MCPH1: variants seen among roughly 807,000 people sequenced by gnomAD.
MCPH1 encodes the protein microcephalin.
MCPH1 carries 104 observed loss-of-function variants against 84.5 expected under a neutral mutation model. The ratio of observed to expected loss-of-function variants is 1.23; its 90% confidence interval spans 1.05 to 1.45. The LOEUF (loss-of-function observed/expected upper bound fraction) is 1.45, where lower values mean the gene tolerates loss of function less well. Ranked by LOEUF, MCPH1 falls within the 40% of genes most tolerant of loss-of-function variation. MCPH1 has a pLI of 0.00. For missense variants in MCPH1, 1,498 were observed against 1,005.7 expected (o/e 1.49, Z -6.62); for synonymous variants, 514 against 366.8 (o/e 1.40, Z -4.58).
chr8:6,432,419 A>G (rs1219465540), intron 4 of MCPH1, among the ~76,000 whole-genome samples: 1 of 152,150 alleles, frequency 6.6e-6, no homozygotes, highest in East Asian at 1.9e-4. Flanking sequence ...GAATCCATAG[A>G]TCTGGAACTT....
Position 6,500,001 on chromosome 8 carries a change from T to G in MCPH1, c.2214+72T>G, listed in dbSNP as rs1811839279. ...CAAGAAATTATTATAAACATAAGGGTGGACTTAAGTTTTTATCCAGTCAAG... is the reference window on the plus strand; with the variant it reads ...CAAGAAATTATTATAAACATAAGGGGGGACTTAAGTTTTTATCCAGTCAAG... On this transcript the variant is annotated intron_variant, in intron 12 of 13. Coordinates refer to ENST00000344683, the MANE Select transcript of MCPH1 (RefSeq NM_024596.5). 6.0e-6 allele frequency: 8 copies of G among 1,327,970 alleles called. No homozygotes were observed. In the South Asian group the frequency reaches 9.4e-5, roughly 16 times the overall value. 82.3% of individuals were successfully genotyped at this position (1,327,970 alleles called of 1,614,324 possible). A position where few individuals can be genotyped will look rare whatever the true frequency, so the allele number is the denominator to read the frequency against.
chr8:6,441,506 G>C (rs139096153), intron 6 of MCPH1, among the ~76,000 whole-genome samples: 2 of 152,064 alleles, frequency 1.3e-5, no homozygotes, highest in African/African-American at 4.8e-5. Context: ...TGTATGAACC[G>C]CCTTTGAAGA....
At chr8:6,470,370 G>C (rs1159750406) in intron 9 of MCPH1, among the ~76,000 whole-genome samples, 1 of 151,978 alleles carries the variant, frequency 6.6e-6, no homozygotes, top group Admixed American at 6.6e-5. Flanking sequence ...TGCAACTTCC[G>C]TCTCCCGGGT....
chr8:6,585,423 T>C (rs930460178), intron 12 of MCPH1, among the ~76,000 whole-genome samples: 3 of 152,220 alleles, frequency 2.0e-5, no homozygotes, highest in Admixed American at 2.0e-4. Context: ...CACAGCTGTC[T>C]GGGAGCCCCT....
At chr8:6,568,723 T>G in intron 12 of MCPH1, among the ~76,000 whole-genome samples, 1 of 152,212 alleles carries the variant, frequency 6.6e-6, no homozygotes, top group East Asian at 1.9e-4. Context: ...GACATCGTTT[T>G]CCATCAGGCC....
intron 8 of MCPH1, chr8:6,447,005 CAGGGGTGT>C: frequency 1.9e-5 from 4 of 205,960 alleles, no homozygotes; most frequent in Non-Finnish European, 2.4e-5. Flanking sequence ...GGCCATCAGG[CAGGGGTGT>C]CCAGGCAGGG....
rs143306840 is a variant in MCPH1, at chr8:6,483,857, C to CAAAGA, written c.2136+2996_2136+3000dup. On this transcript the variant is annotated intron_variant, in intron 11 of 13. Transcript: ENST00000344683. ...CCTGGGTGACAGAGAGACACCCTGT[C>CAAAGA]AAAGAAAAGAAAAGAAAAGGAGAGG... Among the ~76,000 whole-genome samples, 43 of 151,236 alleles carry CAAAGA rather than the reference C, an allele frequency of 2.8e-4. 1 individual carries two copies. The South Asian group carries it at 6.7e-3, about 24-fold the overall frequency.
chr8:6,512,311 C>T (rs889434064), intron 12 of MCPH1, among the ~76,000 whole-genome samples: 21 of 152,170 alleles, frequency 1.4e-4, no homozygotes, highest in Non-Finnish European at 2.6e-4. Context: ...ACAATCCTCC[C>T]CTGGGCAGCC....
intron 12 of MCPH1, among the ~76,000 whole-genome samples, chr8:6,551,558 A>AT (rs1229848830): frequency 2.0e-5 from 3 of 152,036 alleles, no homozygotes; most frequent in Non-Finnish European, 2.9e-5. Flanking sequence ...ATTAGTCTTA[A>AT]TTTTTTTTAA....
At chr8:6,632,614 C>G (rs1437693182) in intron 13 of MCPH1, among the ~76,000 whole-genome samples, 1 of 152,126 alleles carries the variant, frequency 6.6e-6, no homozygotes, top group African/African-American at 2.4e-5. Context: ...TCGAGACCAT[C>G]CTGGCTAACA....
chr8:6,475,109 T>G (rs1012671394), intron 9 of MCPH1, among the ~76,000 whole-genome samples: 3 of 152,234 alleles, frequency 2.0e-5, no homozygotes, highest in African/African-American at 7.2e-5. Flanking sequence ...AGAACATCCT[T>G]AAGAGCTATC....
intron 11 of MCPH1, among the ~76,000 whole-genome samples, chr8:6,492,020 T>A (rs917654938): frequency 5.9e-5 from 9 of 152,232 alleles, no homozygotes; most frequent in African/African-American, 2.2e-4. Context: ...TCAAATGGTA[T>A]TTCTAGTTCT....
intron 4 of MCPH1, among the ~76,000 whole-genome samples, chr8:6,433,084 C>G (rs1802076991): frequency 6.6e-6 from 1 of 152,170 alleles, no homozygotes; most frequent in Admixed American, 6.5e-5. Context: ...GCCTTCTCTT[C>G]CCCAATTAAC....
At chr8:6,476,436 A>C (rs1007291197) in intron 9 of MCPH1, among the ~76,000 whole-genome samples, 1 of 151,994 alleles carries the variant, frequency 6.6e-6, no homozygotes, top group Non-Finnish European at 1.5e-5. Flanking sequence ...TCTCAAAAAA[A>C]AAAAAAAAAG....
At chr8:6,575,463 G>T (rs1324037800) in intron 12 of MCPH1, among the ~76,000 whole-genome samples, 2 of 152,170 alleles carry the variant, frequency 1.3e-5, no homozygotes, top group Non-Finnish European at 2.9e-5. Flanking sequence ...GAAGACCCAG[G>T]GTGGTCAGTA....
intron 11 of MCPH1, among the ~76,000 whole-genome samples, chr8:6,487,063 C>G (rs1166088007): frequency 1.3e-5 from 2 of 152,222 alleles, no homozygotes; most frequent in Admixed American, 6.5e-5. Flanking sequence ...TGAGGAATAA[C>G]TCAGCCTGTA....
At chr8:6,506,264 A>C (rs1289748089) in intron 12 of MCPH1, among the ~76,000 whole-genome samples, 1 of 152,052 alleles carries the variant, frequency 6.6e-6, no homozygotes, top group Non-Finnish European at 1.5e-5. Context: ...GTTGCTGTCC[A>C]TGCAAAATGG....
intron 12 of MCPH1, among the ~76,000 whole-genome samples, chr8:6,585,152 C>T (rs1827868064): frequency 6.6e-6 from 1 of 152,200 alleles, no homozygotes; most frequent in African/African-American, 2.4e-5. Flanking sequence ...GTTTTCCGGA[C>T]TTTTCCGTGG....
intron 3 of MCPH1, among the ~76,000 whole-genome samples, chr8:6,415,287 G>A (rs1799106039): frequency 2.3e-5 from 1 of 43,146 alleles, no homozygotes; most frequent in South Asian, 1.5e-3. Flanking sequence ...CAACAGGGTT[G>A]GTATCTTCTT....
Sources: gnomAD v4.1 joint callset for allele counts (sites outside exome capture counted in the v4.1 genomes callset) on GRCh38, gnomAD v4.1.1 for gene constraint, MANE v1.5 for transcripts, NCBI Gene and HGNC (gene_info 2026-07-23, HGNC 2026-07-21) for gene names.